Variants in COMMD9 observed in about 807,000 individuals in gnomAD.
COMMD9 encodes COMM domain containing 9, also known as COMM domain-containing protein 9.
In COMMD9, 22 loss-of-function variants were observed where a neutral mutation model predicts 23.4. The ratio of observed to expected loss-of-function variants is 0.94; its 90% CI spans 0.67 to 1.34. The LOEUF (loss-of-function observed/expected upper bound fraction) is 1.34, where lower values mean the gene tolerates loss of function less well. Among genes scored for constraint, COMMD9 ranks in the 40% most tolerant of loss-of-function variants. COMMD9 has a pLI of 0.00. For synonymous variants in COMMD9, 99 were observed against 97.4 expected, an observed-to-expected ratio of 1.02 and a Z score of -0.10; for missense variants, 231 against 240.2, an observed-to-expected ratio of 0.96 and a Z score of 0.25.
intron 1 of COMMD9, among the ~76,000 whole-genome samples, chr11:36,287,622 A>G (rs1181593109): frequency 6.6e-6 from 1 of 152,008 alleles, no homozygotes; most frequent in South Asian, 2.1e-4. Context: ...TTTTTTAAAA[A>G]AAGAAAAGAA....
Position 36,280,751 on chromosome 11 carries a change from T to C in COMMD9, c.138A>G (p.Thr46=), listed in dbSNP as rs750518477. The C allele has an allele frequency of 1.9e-6, 3 of 1,610,514 alleles. No homozygotes were observed. Among genetic ancestry groups the C allele is most frequent in the South Asian group, 2.2e-5 (2 of 90,690 alleles). Residue 46 remains threonine, a synonymous_variant, in exon 2 of 6, where the codon ACA becomes ACG. Coordinates refer to ENST00000263401, the MANE Select transcript of COMMD9 (RefSeq NM_014186.4). The part of the protein sequence containing the change: ...ALGLKKLLDV[T]CSSLSVTQEE... Reference sequence around the variant, plus strand: ...CCTGGGTCACAGACAAGCTGGAACATGTAACATCCAAGAGTTTTTTCAAGC... The same window carrying C: ...CCTGGGTCACAGACAAGCTGGAACACGTAACATCCAAGAGTTTTTTCAAGC...
At chr11:36,289,230 C>T in intron 1 of COMMD9, 132 bp downstream of exon 1, 3 of 735,486 alleles carry the variant, frequency 4.1e-6, no homozygotes, top group South Asian at 2.6e-5. Context: ...CAACGATTTG[C>T]CTGGGATCAC....
intron 1 of COMMD9, among the ~76,000 whole-genome samples, chr11:36,287,836 AAG>A (rs1284231407): frequency 1.3e-5 from 2 of 152,180 alleles, no homozygotes; most frequent in Non-Finnish European, 2.9e-5. Context: ...GAAAGGGCGA[AAG>A]GGGGACTTCT....
intron 3 of COMMD9, 102 bp from the exon 4 acceptor site, chr11:36,277,225 T>C (rs1449611258): frequency 2.9e-6 from 2 of 694,652 alleles, no homozygotes; most frequent in Non-Finnish European, 4.5e-6. Context: ...TTCAGACCTG[T>C]CATCACCTGC....
chr11:36,288,178 A>T lies in COMMD9; in HGVS notation c.51+1184T>A, dbSNP rs2028901. Among the ~76,000 whole-genome samples the T allele has an allele frequency of 2.0e-5, 3 of 152,116 alleles. No homozygotes were observed. In the East Asian group the frequency reaches 5.8e-4, roughly 29 times the overall value. ...TGTGCCAGGTATTATTGTTCTACTT[A>T]TTGGGCATTAACACTTGTGAACAAA... On this transcript the variant is annotated intron_variant, in intron 1 of 5. Coordinates refer to ENST00000263401, the MANE Select transcript of COMMD9 (RefSeq NM_014186.4).
rs368912883 is a variant in COMMD9 at position 36,280,781 on chromosome 11, G to A, written c.108C>T (p.Ala36=). 6.2e-7 allele frequency: 1 copy of A among 1,609,996 alleles called. No individual in the cohort carries two copies. The highest frequency in any genetic ancestry group is 1.3e-5 in the African/African-American group (1 of 74,742). Residue 36 remains alanine, a synonymous_variant, in exon 2 of 6, where the codon GCC becomes GCT. Transcript: ENST00000263401. ...QLCQESFSSS[A]LGLKKLLDVT... is the part of the protein sequence containing the mutation. ...CATCCAAGAGTTTTTTCAAGCCAAG[G>A]GCTGAACTGGAAAAGCTTTCTTGAC...
At chr11:36,289,054 T>A (rs1298271285) in intron 1 of COMMD9, among the ~76,000 whole-genome samples, 1 of 152,080 alleles carries the variant, frequency 6.6e-6, no homozygotes, top group Non-Finnish European at 1.5e-5. Flanking sequence ...ACTGACAACG[T>A]GGGTCTAGCA....
chr11:36,280,466 T>C (rs1015379131), intron 2 of COMMD9, among the ~76,000 whole-genome samples: 6 of 152,216 alleles, frequency 3.9e-5, no homozygotes, highest in African/African-American at 1.2e-4. Flanking sequence ...AAGTTATAGG[T>C]TGGAAAAGAA....
At chr11:36,278,427 T>C in intron 3 of COMMD9, 50 bp downstream of exon 3, 1 of 1,519,878 alleles carries the variant, frequency 6.6e-7, no homozygotes. Flanking sequence ...AGAATAAAAA[T>C]AATAAGAAAT....
intron 1 of COMMD9, among the ~76,000 whole-genome samples, chr11:36,286,965 T>C (rs1856168992): frequency 6.6e-6 from 1 of 152,018 alleles, no homozygotes; most frequent in East Asian, 1.9e-4. Flanking sequence ...TATCAATACT[T>C]TTGACATTAG....
intron 2 of COMMD9, 139 bp downstream of exon 2, chr11:36,280,573 C>A (rs1245745983): frequency 1.3e-6 from 1 of 771,904 alleles, no homozygotes; most frequent in Admixed American, 2.8e-5. Flanking sequence ...TTCTCCCATT[C>A]ATGTCCCATT....
intron 2 of COMMD9, among the ~76,000 whole-genome samples, chr11:36,279,451 T>C (rs943573446): frequency 6.6e-6 from 1 of 152,234 alleles, no homozygotes; most frequent in African/African-American, 2.4e-5. Context: ...CTGATATCAC[T>C]GCAGATTACC....
At chr11:36,286,395 C>CAAAAAAAAAAAAAAAAAAAA (rs138463305) in intron 1 of COMMD9, among the ~76,000 whole-genome samples, 1 of 76,932 alleles carries the variant, frequency 1.3e-5, no homozygotes, top group Non-Finnish European at 2.4e-5. Flanking sequence ...ACTAAAAATA[C>CAAAAAAAAAAAAAAAAAAAA]AAAAAAAAAA....
chr11:36,276,203 C>T lies in COMMD9; in HGVS notation c.390G>A (p.Val130=), dbSNP rs186863747. The T allele has an allele frequency of 6.2e-7, 1 of 1,614,120 alleles. No individual in the cohort carries two copies. Among genetic ancestry groups the T allele is most frequent in the Non-Finnish European group, 8.5e-7 (1 of 1,179,982 alleles). The change falls in exon 5 of 6, where the codon GTG becomes GTA. Residue 130 remains valine, a synonymous_variant. Transcript: ENST00000263401. ...TGCTGTCTGAGGAGGTTTTGATATC[C>T]ACTCTCCAGTCCAGATCGACCAGGC... ...LPRLVDLDWR[V]DIKTSSDSIS...
intron 1 of COMMD9, among the ~76,000 whole-genome samples, chr11:36,288,012 TA>T (rs897838556): frequency 2.0e-5 from 3 of 152,066 alleles, no homozygotes; most frequent in African/African-American, 7.2e-5. Context: ...CCAACAGGTA[TA>T]GGGGCGGGGG....
intron 3 of COMMD9, chr11:36,278,211 A>G: frequency 2.7e-6 from 1 of 368,830 alleles, no homozygotes; most frequent in South Asian, 3.1e-5. Flanking sequence ...ACAAAACAGC[A>G]TGATCCATTT....
chr11:36,276,920 A>G, intron 4 of COMMD9, 169 bp downstream of exon 4: 3 of 436,202 alleles, frequency 6.9e-6, no homozygotes, highest in Non-Finnish European at 4.1e-6. Context: ...TTATAATCAG[A>G]AAAAAGTTAA....
chr11:36,287,877 CTT>C (rs1590409845), intron 1 of COMMD9, among the ~76,000 whole-genome samples: 1 of 152,036 alleles, frequency 6.6e-6, no homozygotes, highest in East Asian at 1.9e-4. Context: ...CATTTTTTGA[CTT>C]TGGTGGTGGT....
chr11:36,274,883 A>T, intron 5 of COMMD9, 111 bp from the exon 6 acceptor site: 1 of 1,351,082 alleles, frequency 7.4e-7, no homozygotes, highest in South Asian at 1.3e-5. Context: ...CTCTGAAGAG[A>T]GGCTCTTTCC....
Sources: allele counts gnomAD v4.1 joint callset (sites outside exome capture counted in the v4.1 genomes callset), GRCh38; gene constraint gnomAD v4.1.1; transcripts MANE v1.5; gene names NCBI Gene and HGNC (gene_info 2026-07-23, HGNC 2026-07-21).